The following SLC14A2 variants were observed in gnomAD, a reference collection of about 807,000 sequenced individuals.
SLC14A2 encodes the protein solute carrier family 14 member 2.
SLC14A2 carries 91 observed loss-of-function variants against 104.6 expected under a neutral mutation model. The ratio of observed to expected loss-of-function variants is 0.87; its 90% confidence interval spans 0.73 to 1.04. The LOEUF (loss-of-function observed/expected upper bound fraction) is 1.04. Ranked by LOEUF, SLC14A2 falls within the 50% of genes least tolerant of loss-of-function variation. The pLI, the probability that SLC14A2 is intolerant of heterozygous loss-of-function variation, is 0.00. For synonymous variants in SLC14A2, 476 were observed against 466.4 expected, an observed-to-expected ratio of 1.02 and a Z score of -0.27; for missense variants, 1,189 against 1,156.0, an observed-to-expected ratio of 1.03 and a Z score of -0.41.
chr18:45,498,013 A>T (rs920316741), intron 2 of SLC14A2, among the ~76,000 whole-genome samples: 1 of 152,214 alleles, frequency 6.6e-6, no homozygotes, highest in Non-Finnish European at 1.5e-5. Flanking sequence ...TAGACTTAGG[A>T]GGTTATGTTT....
intron 10 of SLC14A2, among the ~76,000 whole-genome samples, chr18:45,663,376 C>G (rs1236150003): frequency 6.6e-6 from 1 of 152,168 alleles, no homozygotes; most frequent in Non-Finnish European, 1.5e-5. Context: ...AGGTGGAGCT[C>G]AGGCATTTTT....
At chr18:45,659,974 A>G (rs536594918) in intron 10 of SLC14A2, among the ~76,000 whole-genome samples, 47 of 151,464 alleles carry the variant, frequency 3.1e-4, no homozygotes, top group African/African-American at 1.0e-3. Context: ...AAAAAAAAAA[A>G]AAAGAAAGAA....
chr18:45,252,855 G>A (rs558765352), intron 1 of SLC14A2, among the ~76,000 whole-genome samples: 4 of 140,124 alleles, frequency 2.9e-5, no homozygotes, highest in African/African-American at 1.1e-4. Context: ...GAATTAAAAA[G>A]CATGATTAGG....
At chr18:45,456,956 G>A (rs1598847733) in intron 1 of SLC14A2, among the ~76,000 whole-genome samples, 2 of 152,222 alleles carry the variant, frequency 1.3e-5, no homozygotes, top group Non-Finnish European at 1.5e-5. Context: ...TGTGCCTGGA[G>A]GGACGGAGCC....
chr18:45,215,594 A>G (rs2084003017), intron 1 of SLC14A2, among the ~76,000 whole-genome samples: 1 of 152,246 alleles, frequency 6.6e-6, no homozygotes, highest in Non-Finnish European at 1.5e-5. Flanking sequence ...ATATCCATTT[A>G]TGAGAAGTTC....
chr18:45,376,713 A>C (rs1044789160), intron 1 of SLC14A2, among the ~76,000 whole-genome samples: 5 of 152,200 alleles, frequency 3.3e-5, no homozygotes, highest in Non-Finnish European at 5.9e-5. Flanking sequence ...TCCCTAAAAG[A>C]GATGACTCTG....
chr18:45,663,992 G>T (rs943745998), intron 11 of SLC14A2, 85 bp downstream of exon 11: 16 of 1,396,950 alleles, frequency 1.1e-5, no homozygotes, highest in Non-Finnish European at 1.2e-5. Flanking sequence ...CTACTTCACA[G>T]GGTGGTGGGG....
Position 45,668,471 on chromosome 18 carries a change from T to C in SLC14A2, c.2030T>C (p.Met677Thr). The change falls in exon 15 of 20, where the codon ATG becomes ACG. Residue 677 changes from methionine to threonine, a missense_variant. By Grantham distance (81) the Met-to-Thr change is moderately conservative. Coordinates refer to ENST00000255226, the MANE Select transcript of SLC14A2 (RefSeq NM_007163.4). ...TTGCTACCCGTCATCATCATGTCCA[T>C]GTCTTGGTAAGTTTGCTTTTGAAGG... ...WLLLPVIIMS[M>T]SCPILSSALG... 6.2e-7 allele frequency: 1 copy of C among 1,614,154 alleles called. No homozygotes were observed. Among genetic ancestry groups the C allele is most frequent in the South Asian group, 1.1e-5 (1 of 91,080 alleles).
At chr18:45,183,059 C>G in the SLC14A2 span, among the ~76,000 whole-genome samples, 1 of 152,116 alleles carries the variant, frequency 6.6e-6, no homozygotes. Context: ...GAATTATGAA[C>G]AGTTAGATTT....
At chr18:45,543,389 T>C (rs1343875427) in intron 2 of SLC14A2, among the ~76,000 whole-genome samples, 2 of 152,082 alleles carry the variant, frequency 1.3e-5, no homozygotes, top group African/African-American at 4.8e-5. Context: ...CACATCAAAA[T>C]AGAAGCCAGC....
intron 2 of SLC14A2, among the ~76,000 whole-genome samples, chr18:45,586,353 G>A (rs539663430): frequency 6.6e-6 from 1 of 152,174 alleles, no homozygotes; most frequent in African/African-American, 2.4e-5. Flanking sequence ...AGTGAGGAGT[G>A]GGGGAGGAGA....
the SLC14A2 span, among the ~76,000 whole-genome samples, chr18:45,172,352 C>A: frequency 6.6e-6 from 1 of 152,234 alleles, no homozygotes; most frequent in African/African-American, 2.4e-5. Context: ...CCATAAAATA[C>A]TGAAGAGGCT....
chr18:45,364,313 G>A (rs1193745625), intron 1 of SLC14A2, among the ~76,000 whole-genome samples: 2 of 152,182 alleles, frequency 1.3e-5, no homozygotes, highest in African/African-American at 4.8e-5. Flanking sequence ...ACTAGCCCAA[G>A]CTAAGACTGA....
chr18:45,186,244 C>T, the SLC14A2 span, among the ~76,000 whole-genome samples: 1 of 152,092 alleles, frequency 6.6e-6, no homozygotes, highest in African/African-American at 2.4e-5. Flanking sequence ...ATAATAAAGA[C>T]TATATAATAC....
intron 1 of SLC14A2, 22 bp from the exon 2 acceptor site, chr18:45,624,609 C>G: frequency 6.4e-7 from 1 of 1,561,836 alleles, no homozygotes; most frequent in South Asian, 1.2e-5. Context: ...CTCACTAGCT[C>G]TTTCCCTTTC....
At chr18:45,555,284 G>A (rs1359083739) in intron 2 of SLC14A2, among the ~76,000 whole-genome samples, 1 of 152,076 alleles carries the variant, frequency 6.6e-6, no homozygotes, top group African/African-American at 2.4e-5. Flanking sequence ...AACATTCAAT[G>A]GTATAATATA....
At chr18:45,338,702 A>AC (rs1177872262) in intron 1 of SLC14A2, among the ~76,000 whole-genome samples, 2 of 137,614 alleles carry the variant, frequency 1.5e-5, no homozygotes, top group Admixed American at 7.3e-5. Context: ...AAAAAAAAAA[A>AC]AAAAAAAAAA....
chr18:45,557,035 C>T (rs143447157), intron 2 of SLC14A2, among the ~76,000 whole-genome samples: 2,011 of 152,312 alleles, frequency 0.013, 27 homozygotes, highest in Non-Finnish European at 0.022. Flanking sequence ...CATCACTCCC[C>T]GCATAGGGTA....
At chr18:45,653,334 A>G (rs527970433) in intron 10 of SLC14A2, among the ~76,000 whole-genome samples, 1 of 152,126 alleles carries the variant, frequency 6.6e-6, no homozygotes, top group South Asian at 2.1e-4. Context: ...AACAGTTCCA[A>G]AACACCTGGC....
Sources: gnomAD v4.1 joint callset for allele counts (sites outside exome capture counted in the v4.1 genomes callset) on GRCh38, gnomAD v4.1.1 for gene constraint, MANE v1.5 for transcripts, NCBI Gene and HGNC (gene_info 2026-07-23, HGNC 2026-07-21) for gene names.